PHEX: variants seen among roughly 807,000 people sequenced by gnomAD.
PHEX encodes phosphate regulating endopeptidase X-linked.
Under a neutral mutation model 68.0 loss-of-function variants are expected in PHEX, and 16 were observed. That is an observed-to-expected ratio of 0.24 (90% CI 0.16 to 0.36). PHEX has a LOEUF of 0.36. Among genes scored for constraint, PHEX ranks in the 10% least tolerant of loss-of-function variants. The probability of loss-of-function intolerance (pLI) is 1.00; values close to 1 mark genes in which losing one functional copy is unlikely to be tolerated. For synonymous variants in PHEX, 208 were observed against 205.1 expected (o/e 1.01, Z -0.12); for missense variants, 480 against 575.5 (o/e 0.83, Z 1.70).
At chrX:22,047,011 A>G in intron 2 of PHEX, 39 bp from the exon 3 acceptor site, 4 of 1,113,183 alleles carry the variant, frequency 3.6e-6, no homozygotes, top group Non-Finnish European at 5.0e-6. Context: ...TACAACATTC[A>G]GTGCTTGTCA....
chrX:22,139,540 A>G (rs1189208589), intron 12 of PHEX, among the ~76,000 whole-genome samples: 1 of 109,747 alleles, frequency 9.1e-6, no homozygotes, highest in Non-Finnish European at 1.9e-5. Flanking sequence ...CAGTGTTACA[A>G]TCATAGCTCA....
rs184321000 is a variant in PHEX, at chrX:22,139,736, C to T, written c.1404+6112C>T. Among the ~76,000 whole-genome samples, 118 of 105,308 alleles carry T rather than the reference C, an allele frequency of 1.1e-3. 2 individuals are homozygous for T. The highest frequency in any genetic ancestry group is 8.8e-4 in the South Asian group (2 of 2,269). 91.4% of individuals were successfully genotyped at this position (105,308 alleles called of 115,157 possible). On this transcript the variant is annotated intron_variant, in intron 12 of 21. Transcript: ENST00000379374. ...TTTTTTTTTGGTAGAGATGGGATCT[C>T]ACTGTGTTGCCCAGGCTGGTCTCAA...
At chrX:22,232,899 C>G (rs1935818043) in intron 20 of PHEX, among the ~76,000 whole-genome samples, 1 of 110,374 alleles carries the variant, frequency 9.1e-6, no homozygotes, top group African/African-American at 3.3e-5. Context: ...TGTTGATGGT[C>G]TTTCTTTACA....
chrX:22,156,568 A>C (rs1180077681), intron 12 of PHEX, among the ~76,000 whole-genome samples: 1 of 110,243 alleles, frequency 9.1e-6, no homozygotes. Flanking sequence ...CTTGGGCTGT[A>C]GTTTGCTGAC....
At chrX:22,055,625 G>C (rs185051510) in intron 3 of PHEX, among the ~76,000 whole-genome samples, 73 of 111,080 alleles carry the variant, frequency 6.6e-4, no homozygotes, top group African/African-American at 2.2e-3. Context: ...GCACTGGCAC[G>C]ATCTCGGCTC....
chrX:22,190,612 G>T lies in PHEX; in HGVS notation c.1645+110G>T, dbSNP rs16981826. The T allele has an allele frequency of 0.017, 10,242 of 588,688 alleles. 679 individuals are homozygous for T. The African/African-American group carries it at 0.19, about 11-fold the overall frequency. 48.5% of individuals were successfully genotyped at this position (588,688 alleles called of 1,213,427 possible). On this transcript the variant is annotated intron_variant, in intron 15 of 21. Coordinates refer to ENST00000379374, the MANE Select transcript of PHEX (RefSeq NM_000444.6). ...TCTTATTTCCCCCAAAAGTGGCAGG[G>T]TATGCTGGTGAAGGAAGGTTGTTCT...
chrX:22,043,501 C>T (rs1927376021), intron 2 of PHEX, among the ~76,000 whole-genome samples: 1 of 110,675 alleles, frequency 9.0e-6, no homozygotes, highest in Non-Finnish European at 1.9e-5. Flanking sequence ...CAGGTTAAAT[C>T]ACCTGCCTAA....
intron 15 of PHEX, among the ~76,000 whole-genome samples, chrX:22,209,096 G>A (rs1934804867): frequency 9.0e-6 from 1 of 111,573 alleles, no homozygotes; most frequent in Admixed American, 9.5e-5. Context: ...GGGTAGTGGC[G>A]GAAGGAGGGT....
At chrX:22,095,494 G>A (rs1261653931) in intron 7 of PHEX, among the ~76,000 whole-genome samples, 1 of 112,431 alleles carries the variant, frequency 8.9e-6, no homozygotes, top group Non-Finnish European at 1.9e-5. Context: ...GGGAGTGGCT[G>A]GCAGAGAGCT....
chrX:22,213,872 C>T (rs1413112449), intron 16 of PHEX, among the ~76,000 whole-genome samples: 4 of 112,122 alleles, frequency 3.6e-5, no homozygotes, highest in Non-Finnish European at 7.5e-5. Context: ...TGGGCTTTCC[C>T]GGTAGCAGAC....
chrX:22,036,050 A>AT lies in PHEX; in HGVS notation c.119-2418dup, dbSNP rs1476296465. Among the ~76,000 whole-genome samples the AT allele has an allele frequency of 1.8e-3, 103 of 57,479 alleles. 4 individuals carry two copies. Among genetic ancestry groups the AT allele is most frequent in the African/African-American group, 7.2e-3 (93 of 12,973 alleles). 49.9% of individuals were successfully genotyped at this position (57,479 alleles called of 115,157 possible). On this transcript the variant is annotated intron_variant, in intron 1 of 21. Coordinates refer to ENST00000379374, the MANE Select transcript of PHEX (RefSeq NM_000444.6). The stretch of plus-strand genomic sequence containing the variant: ...CACACACGTACATATATATATATAT[A>AT]TATATTTTTTTTTTTTTTTTTTTTT...
At chrX:22,136,182 A>AC (rs1932224257) in intron 12 of PHEX, among the ~76,000 whole-genome samples, 1 of 110,617 alleles carries the variant, frequency 9.0e-6, no homozygotes, top group Non-Finnish European at 1.9e-5. Flanking sequence ...TTTTTGAAAA[A>AC]AAAAAAATTT....
rs1053486660 is a variant in PHEX, at chrX:22,249,053, A to G, written c.*1100A>G. ...AAAATTTCTTGACTGATGACATTCT[A>G]GAATTTATTGATTCAATTTAAAATT... On this transcript the variant is annotated 3_prime_UTR_variant, in exon 22 of 22. Transcript: ENST00000379374. The G allele has an allele frequency of 6.3e-5, 7 of 110,711 alleles. No individual in the cohort carries two copies. Among genetic ancestry groups the G allele is most frequent in the African/African-American group, 2.3e-4 (7 of 30,353 alleles). The allele number at this position is 110,711 out of a possible 1,213,427, so 9.1% of individuals were successfully genotyped here. A position where few individuals can be genotyped will look rare whatever the true frequency, so the allele number is the denominator to read the frequency against.
At chrX:22,124,067 G>C (rs143512034) in intron 11 of PHEX, among the ~76,000 whole-genome samples, 7,471 of 110,016 alleles carry the variant, frequency 0.068, 636 homozygotes, top group African/African-American at 0.23. Context: ...TCCTGACCTC[G>C]TGATCTGCCC....
rs1936545711 is a variant in PHEX at position 22,250,792 on chromosome X, A to G, written c.*2839A>G. 8.9e-6 allele frequency: 1 copy of G among 112,019 alleles called. No individual in the cohort carries two copies. The highest frequency in any genetic ancestry group is 9.5e-5 in the Admixed American group (1 of 10,532). The allele number at this position is 112,019 out of a possible 1,213,427, so 9.2% of individuals were successfully genotyped here. The stretch of plus-strand genomic sequence containing the variant: ...GAAGTTTATTTAGTGCCTTGCCTCA[A>G]TGGAGCTTAAAGCATAGCACATAAA... On this transcript the variant is annotated 3_prime_UTR_variant, in exon 22 of 22. Coordinates refer to ENST00000379374, the MANE Select transcript of PHEX (RefSeq NM_000444.6).
chrX:22,098,813 A>G (rs1459171847), intron 8 of PHEX, among the ~76,000 whole-genome samples, 193 bp from the exon 9 acceptor site: 1 of 102,871 alleles, frequency 9.7e-6, no homozygotes, highest in African/African-American at 3.6e-5. Context: ...AAAAAAAAAA[A>G]AAAAAAAAAA....
In PHEX at chrX:22,190,510, C is replaced by T. The variant is rs202149367; in HGVS notation, c.1645+8C>T. 9.3e-5 allele frequency: 107 copies of T among 1,147,985 alleles called. No homozygotes were observed. Among genetic ancestry groups the T allele is most frequent in the Non-Finnish European group, 1.1e-4 (89 of 838,288 alleles). The allele number at this position is 1,147,985 out of a possible 1,213,427, so 94.6% of individuals were successfully genotyped here. A position where few individuals can be genotyped will look rare whatever the true frequency, so the allele number is the denominator to read the frequency against. Reference sequence around the variant, plus strand: ...CATCCACCAACCAGATCCGTGAGTACGGGTTCCTTGTCTCCTTGGTAACCT... The same window carrying T: ...CATCCACCAACCAGATCCGTGAGTATGGGTTCCTTGTCTCCTTGGTAACCT... On this transcript the variant is annotated splice_region_variant and intron_variant, in intron 15 of 21. Coordinates refer to ENST00000379374, the MANE Select transcript of PHEX (RefSeq NM_000444.6).
chrX:22,060,526 A>G (rs1928314283), intron 3 of PHEX, among the ~76,000 whole-genome samples: 1 of 111,958 alleles, frequency 8.9e-6, no homozygotes, highest in Non-Finnish European at 1.9e-5. Context: ...GCAGCAGGGA[A>G]TGCTAAGGTT....
At chrX:22,086,227 T>G (rs1929622868) in intron 5 of PHEX, among the ~76,000 whole-genome samples, 1 of 112,050 alleles carries the variant, frequency 8.9e-6, no homozygotes, top group Non-Finnish European at 1.9e-5. Flanking sequence ...AGCATAATGC[T>G]GCTGAACAGC....
Sources: gnomAD v4.1 joint callset for allele counts (sites outside exome capture counted in the v4.1 genomes callset) on GRCh38, gnomAD v4.1.1 for gene constraint, MANE v1.5 for transcripts, NCBI Gene and HGNC (gene_info 2026-07-23, HGNC 2026-07-21) for gene names.